CUX2: variants seen among roughly 807,000 people sequenced by gnomAD.
The protein encoded by CUX2 is cut like homeobox 2.
A neutral mutation model predicts 144.8 loss-of-function variants in CUX2; 40 were observed. The ratio of observed to expected loss-of-function variants is 0.28; its 90% confidence interval spans 0.21 to 0.36. CUX2 has a LOEUF of 0.36. Ranked by LOEUF, CUX2 falls within the 10% of genes least tolerant of loss-of-function variation. The probability of loss-of-function intolerance (pLI) is 1.00; values close to 1 mark genes in which losing one functional copy is unlikely to be tolerated. For synonymous variants in CUX2, 827 were observed against 875.6 expected, an observed-to-expected ratio of 0.94 and a Z score of 0.98; for missense variants, 1,615 against 1,994.0, an observed-to-expected ratio of 0.81 and a Z score of 3.62.
intron 1 of CUX2, among the ~76,000 whole-genome samples, chr12:111,055,490 T>C (rs1455362180): frequency 6.6e-6 from 1 of 152,244 alleles, no homozygotes; most frequent in Non-Finnish European, 1.5e-5. Flanking sequence ...TTGGCCTACT[T>C]TGTGAAATTC....
chr12:111,315,229 T>A (rs554682470), intron 16 of CUX2, among the ~76,000 whole-genome samples: 1 of 152,320 alleles, frequency 6.6e-6, no homozygotes, highest in African/African-American at 2.4e-5. Context: ...TCACGAGTTC[T>A]ACTTCTGGGA....
chr12:111,308,973 C>T (rs1438649740), intron 14 of CUX2, among the ~76,000 whole-genome samples: 2 of 151,524 alleles, frequency 1.3e-5, no homozygotes, highest in Non-Finnish European at 2.9e-5. Flanking sequence ...GGTGTGATCT[C>T]GGCTCACTGC....
intron 1 of CUX2, among the ~76,000 whole-genome samples, chr12:111,202,876 G>A (rs953014135): frequency 5.9e-5 from 9 of 152,208 alleles, no homozygotes; most frequent in Admixed American, 2.6e-4. Context: ...CTCCGAGCAG[G>A]TGAGGAAAGA....
intron 1 of CUX2, among the ~76,000 whole-genome samples, chr12:111,156,221 C>T (rs1877363171): frequency 6.6e-6 from 1 of 152,148 alleles, no homozygotes; most frequent in African/African-American, 2.4e-5. Context: ...TATCCTTTCC[C>T]TCCTGCCCTC....
intron 1 of CUX2, among the ~76,000 whole-genome samples, chr12:111,165,072 C>G (rs1435277053): frequency 2.0e-5 from 3 of 152,132 alleles, no homozygotes; most frequent in African/African-American, 4.8e-5. Flanking sequence ...CTCCACTGTT[C>G]AATTATATGA....
Position 111,171,584 on chromosome 12 carries a change from C to T in CUX2, c.64-42616C>T, listed in dbSNP as rs1259486093. Among the ~76,000 whole-genome samples the T allele has an allele frequency of 6.6e-6, 1 of 152,144 alleles. No individual in the cohort carries two copies. The highest frequency in any genetic ancestry group is 2.4e-5 in the African/African-American group (1 of 41,424). ...TCAGTGGGTCTCCGGAGCACAGCCACCTGACACATCTGGGGCTATGGGACG... is the reference window on the plus strand; with the variant it reads ...TCAGTGGGTCTCCGGAGCACAGCCATCTGACACATCTGGGGCTATGGGACG... On this transcript the variant is annotated intron_variant, in intron 1 of 21. Coordinates refer to ENST00000261726, the MANE Select transcript of CUX2 (RefSeq NM_015267.4). This position sits in a 1 kb window ranked among gnomAD's most constrained non-coding sequence, Gnocchi z 5.0.
chr12:111,149,521 C>T (rs1171998597), intron 1 of CUX2, among the ~76,000 whole-genome samples: 1 of 152,118 alleles, frequency 6.6e-6, no homozygotes, highest in East Asian at 1.9e-4. Context: ...CCCACAATCC[C>T]AAAGTGAAAT....
rs7967361 is a variant in CUX2 at position 111,223,951 on chromosome 12, T to G, written c.222+6014T>G. Among the ~76,000 whole-genome samples the G allele has an allele frequency of 4.1e-3, 621 of 152,308 alleles. 1 individual carries two copies. Among genetic ancestry groups the G allele is most frequent in the African/African-American group, 0.014 (588 of 41,572 alleles). ...CAACCCTGGAGCCCCTGGCATTCAC[T>G]GGTGCTTAGCATCATCTGTCTTTAT... On this transcript the variant is annotated intron_variant, in intron 3 of 21. Transcript: ENST00000261726.
Position 111,320,274 on chromosome 12 carries a change from G to A in CUX2, c.2265G>A (p.Ala755=), listed in dbSNP as rs1426000034. Residue 755 remains alanine (A), a synonymous_variant, in exon 17 of 22, where the codon GCG becomes GCA. Coordinates refer to ENST00000261726, the MANE Select transcript of CUX2 (RefSeq NM_015267.4). The surrounding 1 kb of genome is among the most constrained non-coding windows in gnomAD (Gnocchi z 8.1). ...AGGAGGAGGGCAGCGGGGGCCCCGCGCAGGCGCCGCTCCCGGTCCTGTCCC... is the reference window on the plus strand; with the variant it reads ...AGGAGGAGGGCAGCGGGGGCCCCGCACAGGCGCCGCTCCCGGTCCTGTCCC... ...VKQEEGSGGP[A]QAPLPVLSPA... 1.9e-6 allele frequency: 3 copies of A among 1,594,182 alleles called. No homozygotes were observed. Among genetic ancestry groups the A allele is most frequent in the Admixed American group, 1.7e-5 (1 of 59,686 alleles).
At chr12:111,098,114 C>A (rs537242063) in intron 1 of CUX2, among the ~76,000 whole-genome samples, 1 of 152,154 alleles carries the variant, frequency 6.6e-6, no homozygotes, top group East Asian at 1.9e-4. Flanking sequence ...AGAACAGAGT[C>A]GGGAGCTGGG....
intron 4 of CUX2, among the ~76,000 whole-genome samples, chr12:111,285,269 G>A (rs553666985): frequency 6.6e-6 from 1 of 152,314 alleles, no homozygotes; most frequent in African/African-American, 2.4e-5. Flanking sequence ...GAAGGTGGGG[G>A]AGAATGGTGA....
At chr12:111,146,523 TGG>T (rs754935477) in intron 1 of CUX2, among the ~76,000 whole-genome samples, 53 of 152,166 alleles carry the variant, frequency 3.5e-4, no homozygotes, top group Admixed American at 5.9e-4. Flanking sequence ...CAGATGACAG[TGG>T]GGAAAGGGGT....
At chr12:111,058,146 G>T (rs1345489771) in intron 1 of CUX2, among the ~76,000 whole-genome samples, 5 of 152,200 alleles carry the variant, frequency 3.3e-5, no homozygotes, top group African/African-American at 1.2e-4. Flanking sequence ...AACAAAGCTT[G>T]ATTCACTCCT....
At chr12:111,119,448 AT>A (rs1163755830) in intron 1 of CUX2, among the ~76,000 whole-genome samples, 4 of 151,402 alleles carry the variant, frequency 2.6e-5, no homozygotes, top group African/African-American at 7.3e-5. Context: ...TAAAAAAAAA[AT>A]TTTTTTTCTT....
intron 1 of CUX2, among the ~76,000 whole-genome samples, chr12:111,073,002 T>C (rs972609629): frequency 2.0e-5 from 3 of 152,186 alleles, no homozygotes; most frequent in Non-Finnish European, 4.4e-5. Context: ...ACTTAAGAGA[T>C]AAATTTTTGT....
rs1296047781 is a variant in CUX2, at chr12:111,035,883, G to A, written c.63+1643G>A. ...GTTTGGTGGCCAACTGAGACGGGCAGGGCTGCGAGCTGTGCCTGCCGGCTT... is the reference window on the plus strand; with the variant it reads ...GTTTGGTGGCCAACTGAGACGGGCAAGGCTGCGAGCTGTGCCTGCCGGCTT... On this transcript the variant is annotated intron_variant, in intron 1 of 21. Coordinates refer to ENST00000261726, the MANE Select transcript of CUX2 (RefSeq NM_015267.4). The surrounding 1 kb of genome is among the most constrained non-coding windows in gnomAD (Gnocchi z 6.0). 2.0e-5 allele frequency among the ~76,000 whole-genome samples: 3 copies of A among 152,176 alleles called. No individual in the cohort carries two copies. Among genetic ancestry groups the A allele is most frequent in the African/African-American group, 4.8e-5 (2 of 41,438 alleles).
In CUX2 at chr12:111,263,086, G is replaced by T. The variant is rs1013132502; in HGVS notation, c.223-675G>T. 1.3e-5 allele frequency among the ~76,000 whole-genome samples: 2 copies of T among 152,138 alleles called. No individual in the cohort carries two copies. On this transcript the variant is annotated intron_variant, in intron 3 of 21. Transcript: ENST00000261726. The surrounding 1 kb of genome is among the most constrained non-coding windows in gnomAD (Gnocchi z 4.0). The stretch of plus-strand genomic sequence containing the variant: ...ACACAGCCTGCACACAGTGGAGCTG[G>T]GCTTTCAACCCAGATTTTCTAACTC...
intron 1 of CUX2, among the ~76,000 whole-genome samples, chr12:111,064,222 G>A (rs1870928380): frequency 6.6e-6 from 1 of 152,192 alleles, no homozygotes; most frequent in African/African-American, 2.4e-5. Flanking sequence ...CCAGCAGCAG[G>A]AGGCGATGTG....
intron 1 of CUX2, among the ~76,000 whole-genome samples, chr12:111,105,565 C>A (rs985157297): frequency 9.2e-5 from 14 of 152,176 alleles, no homozygotes; most frequent in African/African-American, 3.1e-4. Context: ...ATACTGCACA[C>A]CCCCAGGGAG....
Sources: gnomAD v4.1 joint callset for allele counts (sites outside exome capture counted in the v4.1 genomes callset) on GRCh38, gnomAD v4.1.1 for gene constraint, Gnocchi (gnomAD v3.1) non-coding constraint, MANE v1.5 for transcripts, NCBI Gene and HGNC (gene_info 2026-07-23, HGNC 2026-07-21) for gene names.